Variants in MAP3K20 observed in about 807,000 individuals in gnomAD.
MAP3K20 encodes the protein mitogen-activated protein kinase kinase kinase 20.
Under a neutral mutation model 85.7 loss-of-function variants are expected in MAP3K20, and 40 were observed. That is an observed-to-expected ratio of 0.47 (90% CI 0.36 to 0.61). The LOEUF (loss-of-function observed/expected upper bound fraction) is 0.61, where lower values mean the gene tolerates loss of function less well. Ranked by LOEUF, MAP3K20 falls within the 20% of genes least tolerant of loss-of-function variation. The pLI is 0.00. For missense variants in MAP3K20, 817 were observed against 961.7 expected, an observed-to-expected ratio of 0.85 and a Z score of 1.99; for synonymous variants, 325 against 327.7, an observed-to-expected ratio of 0.99 and a Z score of 0.09.
At chr2:173,254,634 A>C (rs955554183) in intron 16 of MAP3K20, among the ~76,000 whole-genome samples, 3 of 152,172 alleles carry the variant, frequency 2.0e-5, no homozygotes, top group African/African-American at 4.8e-5. Flanking sequence ...GGGGTTGATC[A>C]GTTAAGTACT....
At position 173,132,922 on chromosome 2, in the gene MAP3K20, C is replaced by T. The variant is rs78271442; in HGVS notation, c.160-36883C>T. Among the ~76,000 whole-genome samples, 1,024 of 152,264 alleles carry T rather than the reference C, an allele frequency of 6.7e-3. 6 individuals carry two copies. Among genetic ancestry groups the T allele is most frequent in the Non-Finnish European group, 8.2e-3 (555 of 68,018 alleles). On this transcript the variant is annotated intron_variant, in intron 2 of 19. Coordinates refer to ENST00000375213, the MANE Select transcript of MAP3K20 (RefSeq NM_016653.3). ...ATAAATGTTAGAAATGTATCCTGAG[C>T]GTTTCTCTTTTCCACTTCCATGCCC...
At chr2:173,136,667 G>A (rs1688808874) in intron 2 of MAP3K20, among the ~76,000 whole-genome samples, 1 of 152,174 alleles carries the variant, frequency 6.6e-6, no homozygotes, top group African/African-American at 2.4e-5. Flanking sequence ...CGTAAAAGAG[G>A]TGACCCAAAT....
chr2:173,252,427 C>T (rs112301785), intron 16 of MAP3K20, among the ~76,000 whole-genome samples: 10 of 152,336 alleles, frequency 6.6e-5, no homozygotes, highest in African/African-American at 9.6e-5. Context: ...TAGCCACACA[C>T]GTGCTCCTAA....
At chr2:173,251,989 A>G (rs1266429791) in intron 16 of MAP3K20, among the ~76,000 whole-genome samples, 1 of 152,202 alleles carries the variant, frequency 6.6e-6, no homozygotes, top group Non-Finnish European at 1.5e-5. Context: ...AAAAATAGAG[A>G]GAGAGAGAGA....
chr2:173,227,176 A>G, intron 11 of MAP3K20: 1 of 973,810 alleles, frequency 1.0e-6, no homozygotes, highest in Non-Finnish European at 1.2e-6. Context: ...TGTGTATATA[A>G]GATCCCTGTT....
intron 2 of MAP3K20, among the ~76,000 whole-genome samples, chr2:173,157,088 A>G (rs1198712039): frequency 6.6e-6 from 1 of 152,230 alleles, no homozygotes; most frequent in Non-Finnish European, 1.5e-5. Context: ...GAAAGGAAAG[A>G]TGGTGGCTGG....
chr2:173,096,784 A>G (rs1687475113), intron 2 of MAP3K20, among the ~76,000 whole-genome samples: 1 of 152,218 alleles, frequency 6.6e-6, no homozygotes, highest in Non-Finnish European at 1.5e-5. Flanking sequence ...GCTTGTTTAC[A>G]TTATTTGCAG....
chr2:173,145,414 C>T (rs900799695), intron 2 of MAP3K20, among the ~76,000 whole-genome samples: 4 of 152,090 alleles, frequency 2.6e-5, no homozygotes, highest in Admixed American at 6.5e-5. Flanking sequence ...TTAAAGAACT[C>T]CTGCAAGTCA....
intron 9 of MAP3K20, among the ~76,000 whole-genome samples, chr2:173,208,414 C>T (rs1047974760): frequency 7.1e-6 from 1 of 141,024 alleles, no homozygotes; most frequent in African/African-American, 2.5e-5. Context: ...AAAAAAAAAT[C>T]ATTTTAAAAC....
rs533369605 is a variant in MAP3K20, at chr2:173,242,775, C to T, written c.1359+3279C>T. On this transcript the variant is annotated intron_variant, in intron 16 of 19. Coordinates refer to ENST00000375213, the MANE Select transcript of MAP3K20 (RefSeq NM_016653.3). Reference sequence around the variant, plus strand: ...AGGCTGGAGTGCAGTGGTGCAATCTCGGCTCACTGCAACCTCCGCCTCCCA... The same window carrying T: ...AGGCTGGAGTGCAGTGGTGCAATCTTGGCTCACTGCAACCTCCGCCTCCCA... Among the ~76,000 whole-genome samples the T allele has an allele frequency of 1.8e-4, 26 of 142,634 alleles. 1 individual carries two copies. The highest frequency in any genetic ancestry group is 6.3e-4 in the African/African-American group (24 of 38,396). 93.6% of individuals were successfully genotyped at this position (142,634 alleles called of 152,430 possible).
At chr2:173,217,588 T>C (rs961715643) in intron 11 of MAP3K20, among the ~76,000 whole-genome samples, 1 of 152,260 alleles carries the variant, frequency 6.6e-6, no homozygotes, top group South Asian at 2.1e-4. Flanking sequence ...ACCTCGGTGC[T>C]GATTAACTCC....
At chr2:173,110,178 AATAT>A (rs572493793) in intron 2 of MAP3K20, among the ~76,000 whole-genome samples, 14 of 137,470 alleles carry the variant, frequency 1.0e-4, no homozygotes, top group Non-Finnish European at 2.0e-4. Context: ...TAAATAATAA[AATAT>A]ATATAATATA....
Position 173,142,311 on chromosome 2 carries a change from A to G in MAP3K20, c.160-27494A>G, listed in dbSNP as rs148560698. ...CATGGTAAAACCCTGACTCTACTAA[A>G]AATACCAAAAATAAGCCCGGCGTGG... On this transcript the variant is annotated intron_variant, in intron 2 of 19. Transcript: ENST00000375213. Among the ~76,000 whole-genome samples the G allele has an allele frequency of 4.1e-3, 619 of 152,186 alleles. 4 individuals are homozygous for G. The highest frequency in any genetic ancestry group is 5.2e-3 in the Non-Finnish European group (356 of 67,992).
intron 1 of MAP3K20, among the ~76,000 whole-genome samples, chr2:173,089,535 A>AT (rs1574001651): frequency 1.3e-5 from 2 of 151,832 alleles, no homozygotes; most frequent in Admixed American, 6.6e-5. Context: ...TTTTCTATAG[A>AT]TTTTTTTATC....
chr2:173,168,965 G>A (rs13032010), intron 2 of MAP3K20, among the ~76,000 whole-genome samples: 44,083 of 152,020 alleles, frequency 0.29, 8,015 homozygotes, highest in Non-Finnish European at 0.41. Flanking sequence ...GTTTCAAAAT[G>A]TATAAATACG....
chr2:173,207,959 C>T (rs1304639243), intron 9 of MAP3K20, among the ~76,000 whole-genome samples: 1 of 152,134 alleles, frequency 6.6e-6, no homozygotes, highest in Non-Finnish European at 1.5e-5. Context: ...GGATGCTGGT[C>T]ATCCAATTAC....
At chr2:173,220,254 C>A (rs1684204160) in intron 11 of MAP3K20, among the ~76,000 whole-genome samples, 1 of 152,050 alleles carries the variant, frequency 6.6e-6, no homozygotes, top group Non-Finnish European at 1.5e-5. Context: ...CAGTTTTACC[C>A]CTGAAATAGA....
chr2:173,116,721 G>A (rs187272742), intron 2 of MAP3K20, among the ~76,000 whole-genome samples: 123 of 152,260 alleles, frequency 8.1e-4, no homozygotes, highest in Non-Finnish European at 1.5e-3. Flanking sequence ...TGAGCCAACT[G>A]CAGACTTCTT....
At chr2:173,243,708 C>G (rs903580677) in intron 16 of MAP3K20, among the ~76,000 whole-genome samples, 2 of 152,208 alleles carry the variant, frequency 1.3e-5, no homozygotes, top group Non-Finnish European at 2.9e-5. Flanking sequence ...AGCTCCGCCT[C>G]CCGGGTTCAC....
Sources: gnomAD v4.1 joint callset for allele counts (sites outside exome capture counted in the v4.1 genomes callset) on GRCh38, gnomAD v4.1.1 for gene constraint, MANE v1.5 for transcripts, NCBI Gene and HGNC (gene_info 2026-07-23, HGNC 2026-07-21) for gene names.